GMDS: variants seen among roughly 807,000 people sequenced by gnomAD.
GMDS encodes GDP-mannose 4,6 dehydratase.
In GMDS, 20 loss-of-function variants were observed where a neutral mutation model predicts 49.9. The observed-to-expected ratio is 0.40, with a 90% CI of 0.28 to 0.58. The LOEUF is 0.58. GMDS is among the 20% of genes least tolerant of loss of function. The probability of loss-of-function intolerance (pLI) is 0.42; values close to 1 mark genes in which losing one functional copy is unlikely to be tolerated. For synonymous variants in GMDS, 177 were observed against 178.6 expected, an observed-to-expected ratio of 0.99 and a Z score of 0.07; for missense variants, 362 against 481.4, an observed-to-expected ratio of 0.75 and a Z score of 2.32.
At chr6:1,784,434 CTTCCCT>C (rs1769241198) in intron 7 of GMDS, among the ~76,000 whole-genome samples, 1 of 150,680 alleles carries the variant, frequency 6.6e-6, no homozygotes, top group Non-Finnish European at 1.5e-5. Context: ...CGCAAAACTC[CTTCCCT>C]TTCCCCTGCC....
chr6:1,860,610 G>A (rs893900931), intron 7 of GMDS, among the ~76,000 whole-genome samples: 3 of 152,078 alleles, frequency 2.0e-5, no homozygotes, highest in African/African-American at 7.2e-5. Context: ...ACATTTAACT[G>A]TATATAAGTT....
At chr6:2,095,803 T>C (rs947566702) in intron 4 of GMDS, among the ~76,000 whole-genome samples, 1 of 152,318 alleles carries the variant, frequency 6.6e-6, no homozygotes, top group African/African-American at 2.4e-5. Context: ...ATATCTAATG[T>C]GCTGGATGAC....
At chr6:1,856,801 T>C (rs974663660) in intron 7 of GMDS, among the ~76,000 whole-genome samples, 4 of 152,238 alleles carry the variant, frequency 2.6e-5, no homozygotes, top group Admixed American at 6.5e-5. Flanking sequence ...CCAATCACTT[T>C]GTTCCCTACA....
chr6:1,768,689 G>T (rs1198958233), intron 7 of GMDS, among the ~76,000 whole-genome samples: 2 of 152,164 alleles, frequency 1.3e-5, no homozygotes, highest in African/African-American at 4.8e-5. Flanking sequence ...TTTGGATTTG[G>T]GATGTTCGAC....
chr6:1,926,266 C>A (rs1762000755), intron 7 of GMDS, among the ~76,000 whole-genome samples: 1 of 152,174 alleles, frequency 6.6e-6, no homozygotes, highest in African/African-American at 2.4e-5. Flanking sequence ...ACACAAGCCA[C>A]CTATGGATGG....
chr6:2,114,804 C>G (rs189795555), intron 4 of GMDS, among the ~76,000 whole-genome samples: 1 of 152,072 alleles, frequency 6.6e-6, no homozygotes, highest in Admixed American at 6.5e-5. Context: ...TTATCTAGTT[C>G]ATGATTTCTT....
chr6:1,817,225 G>A (rs1429968695), intron 7 of GMDS, among the ~76,000 whole-genome samples: 1 of 151,474 alleles, frequency 6.6e-6, no homozygotes, highest in Non-Finnish European at 1.5e-5. Context: ...TTTTAACTTG[G>A]CAAGGTTGAA....
chr6:1,938,535 G>A (rs1055057743), intron 6 of GMDS, among the ~76,000 whole-genome samples: 9 of 152,214 alleles, frequency 5.9e-5, no homozygotes, highest in African/African-American at 1.7e-4. Flanking sequence ...GTGTGTTTCC[G>A]GTCTAATTGT....
chr6:1,674,560 C>CTTTTTTTTTTTTTTTTTTTTTTTTT (rs869292549), intron 9 of GMDS, among the ~76,000 whole-genome samples: 1 of 73,438 alleles, frequency 1.4e-5, no homozygotes, highest in Non-Finnish European at 2.3e-5. Context: ...CTCTCTCTCT[C>CTTTTTTTTTTTTTTTTTTTTTTTTT]TTTTTTTTTT....
chr6:1,982,031 G>A (rs1765246842), intron 4 of GMDS, among the ~76,000 whole-genome samples: 2 of 152,094 alleles, frequency 1.3e-5, no homozygotes, highest in African/African-American at 4.8e-5. Flanking sequence ...TTGGCCAGGT[G>A]CGGTGGCTCA....
intron 6 of GMDS, among the ~76,000 whole-genome samples, chr6:1,949,761 C>A (rs929166995): frequency 2.0e-5 from 3 of 152,054 alleles, no homozygotes; most frequent in Non-Finnish European, 4.4e-5. Context: ...CCTGGTGGGT[C>A]CAAGAGTAGC....
chr6:1,630,730 T>C (rs1317952087), intron 9 of GMDS, among the ~76,000 whole-genome samples: 3 of 152,240 alleles, frequency 2.0e-5, no homozygotes, highest in East Asian at 1.9e-4. Context: ...TACATCTGAA[T>C]TGCAATCGTG....
At chr6:1,711,866 A>G (rs1370240798) in intron 9 of GMDS, among the ~76,000 whole-genome samples, 1 of 152,184 alleles carries the variant, frequency 6.6e-6, no homozygotes, top group Non-Finnish European at 1.5e-5. Context: ...TTTCTGGCAT[A>G]GTGAAGGCCC....
At chr6:1,668,435 C>T (rs7747825) in intron 9 of GMDS, among the ~76,000 whole-genome samples, 44,279 of 152,120 alleles carry the variant, frequency 0.29, 7,640 homozygotes, top group Middle Eastern at 0.44. Context: ...GGGGGCCAGG[C>T]GCAATGGCTC....
chr6:2,163,476 G>A (rs577733164), intron 1 of GMDS, among the ~76,000 whole-genome samples: 1 of 152,224 alleles, frequency 6.6e-6, no homozygotes, highest in Non-Finnish European at 1.5e-5. Flanking sequence ...ACTGGCTCGT[G>A]TGATTATAGA....
chr6:1,710,407 T>C (rs1260078103), intron 9 of GMDS, among the ~76,000 whole-genome samples: 1 of 152,248 alleles, frequency 6.6e-6, no homozygotes, highest in Non-Finnish European at 1.5e-5. Context: ...GTCTGCGGCA[T>C]TCATTCAGTC....
At chr6:1,800,742 T>C (rs1398810518) in intron 7 of GMDS, among the ~76,000 whole-genome samples, 1 of 151,932 alleles carries the variant, frequency 6.6e-6, no homozygotes, top group Non-Finnish European at 1.5e-5. Context: ...GGATTAGACA[T>C]CTATTTCTTC....
At chr6:2,243,629 C>T (rs1781716110) in intron 1 of GMDS, among the ~76,000 whole-genome samples, 1 of 152,090 alleles carries the variant, frequency 6.6e-6, no homozygotes, top group South Asian at 2.1e-4. Context: ...CTTACTGCCT[C>T]AATTCAAGGA....
At chr6:1,776,078 G>A (rs971361659) in intron 7 of GMDS, among the ~76,000 whole-genome samples, 1 of 152,086 alleles carries the variant, frequency 6.6e-6, no homozygotes, top group Non-Finnish European at 1.5e-5. Flanking sequence ...GCAGCCAGCT[G>A]GACTCAGAGA....
Sources: allele counts gnomAD v4.1 joint callset (sites outside exome capture counted in the v4.1 genomes callset), GRCh38; gene constraint gnomAD v4.1.1; transcripts MANE v1.5; gene names NCBI Gene and HGNC (gene_info 2026-07-23, HGNC 2026-07-21).